The following RIMS2 variants were observed in gnomAD, a reference collection of about 807,000 sequenced individuals.
RIMS2 encodes the protein regulating synaptic membrane exocytosis protein 2.
A neutral mutation model predicts 174.4 loss-of-function variants in RIMS2; 59 were observed. The observed-to-expected ratio is 0.34, with a 90% CI of 0.27 to 0.42. The LOEUF is 0.42. Ranked by LOEUF, RIMS2 falls within the 10% of genes least tolerant of loss-of-function variation. The pLI is 1.00. For synonymous variants in RIMS2, 606 were observed against 572.5 expected, an observed-to-expected ratio of 1.06 and a Z score of -0.84; for missense variants, 1,620 against 1,666.3, an observed-to-expected ratio of 0.97 and a Z score of 0.48.
At chr8:103,799,932 A>G (rs1236478596) in intron 3 of RIMS2, among the ~76,000 whole-genome samples, 1 of 151,854 alleles carries the variant, frequency 6.6e-6, no homozygotes, top group Non-Finnish European at 1.5e-5. Context: ...CCCTAGAAAT[A>G]CTCTTTTACA....
intron 19 of RIMS2, among the ~76,000 whole-genome samples, chr8:104,226,031 CT>C (rs541611331): frequency 6.6e-6 from 1 of 151,978 alleles, no homozygotes; most frequent in Non-Finnish European, 1.5e-5. Context: ...TCTCTACTTC[CT>C]TTTTTTTCTT....
intron 1 of RIMS2, among the ~76,000 whole-genome samples, chr8:103,567,774 A>G (rs1329415839): frequency 1.3e-5 from 2 of 152,168 alleles, no homozygotes; most frequent in Non-Finnish European, 2.9e-5. Context: ...TTACATTCCC[A>G]CCAGCAATGT....
At chr8:104,114,238 G>T (rs959815908) in intron 19 of RIMS2, among the ~76,000 whole-genome samples, 1 of 151,732 alleles carries the variant, frequency 6.6e-6, no homozygotes, top group Non-Finnish European at 1.5e-5. Context: ...TTCTATTTTG[G>T]CATTTTAAAT....
intron 1 of RIMS2, among the ~76,000 whole-genome samples, chr8:103,614,873 T>C (rs554758996): frequency 6.9e-4 from 105 of 152,352 alleles, no homozygotes; most frequent in African/African-American, 2.5e-3. Context: ...TTACCTAATA[T>C]GATGTTCACT....
At chr8:104,010,178 G>A (rs1293411838) in intron 17 of RIMS2, among the ~76,000 whole-genome samples, 8 of 151,836 alleles carry the variant, frequency 5.3e-5, no homozygotes, top group Middle Eastern at 3.2e-3. Flanking sequence ...AAAGTACATC[G>A]CAAAACTGAA....
chr8:104,213,266 A>G (rs1235904649), intron 19 of RIMS2, among the ~76,000 whole-genome samples: 4 of 152,094 alleles, frequency 2.6e-5, no homozygotes, highest in African/African-American at 9.7e-5. Context: ...AGCCGAGATC[A>G]TGCCCCTGCA....
intron 4 of RIMS2, among the ~76,000 whole-genome samples, chr8:103,892,944 G>A (rs983351776): frequency 1.3e-5 from 2 of 151,872 alleles, no homozygotes; most frequent in Non-Finnish European, 1.5e-5. Context: ...GTATACTTTT[G>A]TGGAGGATAT....
At chr8:103,969,370 C>T (rs1246141528) in intron 15 of RIMS2, among the ~76,000 whole-genome samples, 1 of 151,994 alleles carries the variant, frequency 6.6e-6, no homozygotes, top group African/African-American at 2.4e-5. Flanking sequence ...CTTGGATGTT[C>T]TTTTCTGTTA....
In RIMS2 at chr8:103,606,697, CAT is replaced by C. The variant is rs920620814; in HGVS notation, c.177-90382_177-90381del. Among the ~76,000 whole-genome samples the C allele has an allele frequency of 5.3e-4, 81 of 151,864 alleles. 1 individual carries two copies. The highest frequency in any genetic ancestry group is 1.9e-3 in the African/African-American group (79 of 41,396). On this transcript the variant is annotated intron_variant, in intron 1 of 23. Coordinates refer to ENST00000504942, the Ensembl canonical transcript of RIMS2. ...AATCTGGGTGCTCCTATATTGGGTG[CAT>C]ATATATTTAGGATAGTTAGCTCTTC...
intron 3 of RIMS2, among the ~76,000 whole-genome samples, chr8:103,851,942 C>T (rs2099000950): frequency 1.3e-5 from 2 of 151,884 alleles, no homozygotes; most frequent in African/African-American, 4.8e-5. Flanking sequence ...AGCTAGATTG[C>T]ATGTTTTTGT....
intron 19 of RIMS2, among the ~76,000 whole-genome samples, chr8:104,092,985 T>A (rs2097689158): frequency 6.6e-6 from 1 of 152,012 alleles, no homozygotes; most frequent in Non-Finnish European, 1.5e-5. Context: ...TTCATCAAAA[T>A]CCAGCAACCA....
At chr8:103,650,273 G>A (rs78334581) in intron 1 of RIMS2, among the ~76,000 whole-genome samples, 4,569 of 152,218 alleles carry the variant, frequency 0.03, 75 homozygotes, top group African/African-American at 0.046. Context: ...GTGAACCAGC[G>A]AAGATGGCAG....
At chr8:104,056,859 C>G (rs951608202) in intron 19 of RIMS2, among the ~76,000 whole-genome samples, 1 of 152,020 alleles carries the variant, frequency 6.6e-6, no homozygotes. Context: ...TGCATTCTAG[C>G]CTGGCTGACA....
chr8:103,877,126 G>C (rs1320967017), intron 3 of RIMS2, among the ~76,000 whole-genome samples: 3 of 151,250 alleles, frequency 2.0e-5, no homozygotes, highest in African/African-American at 4.9e-5. Context: ...GGAATCTCCT[G>C]TTTTCCATAG....
At chr8:103,553,449 G>T (rs1042456812) in intron 1 of RIMS2, among the ~76,000 whole-genome samples, 1 of 152,088 alleles carries the variant, frequency 6.6e-6, no homozygotes, top group East Asian at 1.9e-4. Context: ...CCTGTCATGG[G>T]GTGGGGGAAG....
intron 1 of RIMS2, among the ~76,000 whole-genome samples, chr8:103,527,022 A>G (rs1358238081): frequency 6.6e-6 from 1 of 152,226 alleles, no homozygotes; most frequent in Non-Finnish European, 1.5e-5. Context: ...GGGAAAATGT[A>G]GCCATTTTCA....
chr8:103,600,860 G>T (rs1383094371), intron 1 of RIMS2, among the ~76,000 whole-genome samples: 1 of 151,950 alleles, frequency 6.6e-6, no homozygotes, highest in East Asian at 1.9e-4. Context: ...TCCAACATTT[G>T]TTATTGCCTG....
At chr8:103,612,473 C>T (rs1582769) in intron 1 of RIMS2, among the ~76,000 whole-genome samples, 163 of 152,262 alleles carry the variant, frequency 1.1e-3, no homozygotes, top group African/African-American at 3.7e-3. Context: ...GGTCTTAGGC[C>T]CAATACCACC....
chr8:104,155,134 T>C (rs1454468561), intron 19 of RIMS2, among the ~76,000 whole-genome samples: 1 of 152,094 alleles, frequency 6.6e-6, no homozygotes, highest in African/African-American at 2.4e-5. Context: ...TGAGATGGAG[T>C]CTCGCTCTGT....
Sources: gnomAD v4.1 joint callset for allele counts (sites outside exome capture counted in the v4.1 genomes callset) on GRCh38, gnomAD v4.1.1 for gene constraint, MANE v1.5 for transcripts, NCBI Gene and HGNC (gene_info 2026-07-23, HGNC 2026-07-21) for gene names.